The following EHMT1 variants were observed in gnomAD, a reference collection of about 807,000 sequenced individuals.
EHMT1 encodes euchromatic histone lysine methyltransferase 1.
EHMT1 carries 15 observed loss-of-function variants against 147.2 expected under a neutral mutation model. That is an observed-to-expected ratio of 0.10 (90% confidence interval 0.07 to 0.16). The LOEUF (loss-of-function observed/expected upper bound fraction) is 0.16, where lower values mean the gene tolerates loss of function less well. EHMT1 is among the 10% of genes least tolerant of loss of function. The pLI is 1.00. For missense variants in EHMT1, 1,587 were observed against 1,772.4 expected, an observed-to-expected ratio of 0.90 and a Z score of 1.88; for synonymous variants, 795 against 709.6, an observed-to-expected ratio of 1.12 and a Z score of -1.91.
intron 1 of EHMT1, among the ~76,000 whole-genome samples, chr9:137,652,587 T>C (rs1371408130): frequency 6.6e-6 from 1 of 151,326 alleles, no homozygotes; most frequent in Non-Finnish European, 1.5e-5. Context: ...GGTTTTGCCA[T>C]GTTAGCTAGG....
Position 137,648,873 on chromosome 9 carries a change from A to G in EHMT1, c.21+29824A>G, listed in dbSNP as rs764147092. On this transcript the variant is annotated intron_variant, in intron 1 of 26. Coordinates refer to ENST00000460843, the MANE Select transcript of EHMT1 (RefSeq NM_024757.5). ...CCCTGACTTCTCTCCCTATCATGGC[A>G]TCACTGTTGGGCCCAAGCCACCACA... is the stretch of plus-strand genomic sequence containing the variant. Among the ~76,000 whole-genome samples, 60 of 152,184 alleles carry G rather than the reference A, an allele frequency of 3.9e-4. 1 individual carries two copies. The highest frequency in any genetic ancestry group is 7.6e-4 in the Non-Finnish European group (52 of 68,036).
chr9:137,638,607 A>G (rs1844256069), intron 1 of EHMT1, among the ~76,000 whole-genome samples: 2 of 152,180 alleles, frequency 1.3e-5, no homozygotes, highest in African/African-American at 4.8e-5. Context: ...ATTCCCCTAA[A>G]AAATATGTTG....
At chr9:137,706,133 G>A (rs1242423464) in intron 1 of EHMT1, among the ~76,000 whole-genome samples, 3 of 152,224 alleles carry the variant, frequency 2.0e-5, no homozygotes, top group South Asian at 4.1e-4. Context: ...GCCATGGCAG[G>A]GCAGGGCATG....
chr9:137,746,865 G>A (rs1276840870), intron 6 of EHMT1: 1 of 152,112 alleles, frequency 6.6e-6, no homozygotes, highest in Non-Finnish European at 1.5e-5. Flanking sequence ...TCTTCTAGAG[G>A]AACTGGACAC....
intron 14 of EHMT1, among the ~76,000 whole-genome samples, chr9:137,780,948 TGTGTG>T (rs1466629741): frequency 1.0e-4 from 4 of 38,382 alleles, no homozygotes; most frequent in Non-Finnish European, 3.1e-4. Context: ...ATCACTGAGA[TGTGTG>T]GTGATGACGC....
chr9:137,744,668 C>A (rs577271783), intron 6 of EHMT1, among the ~76,000 whole-genome samples: 1 of 152,356 alleles, frequency 6.6e-6, no homozygotes, highest in South Asian at 2.1e-4. Flanking sequence ...TTGCTGACAG[C>A]TTGAAGTGCT....
chr9:137,737,464 G>A (rs1488609770), intron 4 of EHMT1, among the ~76,000 whole-genome samples: 1 of 152,190 alleles, frequency 6.6e-6, no homozygotes, highest in Non-Finnish European at 1.5e-5. Context: ...ACATGCAGAA[G>A]AGTGATACTG....
intron 1 of EHMT1, among the ~76,000 whole-genome samples, chr9:137,668,159 C>T (rs541975844): frequency 1.3e-5 from 2 of 152,168 alleles, no homozygotes; most frequent in African/African-American, 4.8e-5. Flanking sequence ...ACGCACTGAT[C>T]GAGAAGACAA....
At chr9:137,701,191 A>C (rs1405644650) in intron 1 of EHMT1, among the ~76,000 whole-genome samples, 1 of 152,026 alleles carries the variant, frequency 6.6e-6, no homozygotes, top group Non-Finnish European at 1.5e-5. Context: ...TTACAGTTAA[A>C]CATGAGATTT....
chr9:137,773,598 T>C (rs939428354), intron 10 of EHMT1, among the ~76,000 whole-genome samples: 2 of 152,204 alleles, frequency 1.3e-5, no homozygotes, highest in Admixed American at 6.5e-5. Context: ...AGATACATGT[T>C]TGTGCACTTA....
At chr9:137,790,485 C>A (rs1952441604) in intron 15 of EHMT1, among the ~76,000 whole-genome samples, 2 of 152,158 alleles carry the variant, frequency 1.3e-5, no homozygotes, top group African/African-American at 4.8e-5. Flanking sequence ...GGTGAACCGG[C>A]ACCTCCCTCC....
At position 137,776,919 on chromosome 9, in the gene EHMT1, T is replaced by C; in HGVS notation, c.2018+75T>C. 7.3e-7 allele frequency: 1 copy of C among 1,373,666 alleles called. No individual in the cohort carries two copies. Among genetic ancestry groups the C allele is most frequent in the Non-Finnish European group, 1.0e-6 (1 of 984,868 alleles). The allele number at this position is 1,373,666 out of a possible 1,614,324, so 85.1% of individuals were successfully genotyped here. On this transcript the variant is annotated intron_variant, in intron 12 of 26. Transcript: ENST00000460843. This position sits in a 1 kb window ranked among gnomAD's most constrained non-coding sequence, Gnocchi z 4.4. Reference sequence around the variant, plus strand: ...GTTTCAGTTGTTAACTCAACGTTATTGCTTCCTGCTGTTTTTTCCAGAAGT... The same window carrying C: ...GTTTCAGTTGTTAACTCAACGTTATCGCTTCCTGCTGTTTTTTCCAGAAGT...
chr9:137,664,336 GGCTGGA>G (rs980064246), intron 1 of EHMT1, among the ~76,000 whole-genome samples: 2 of 150,816 alleles, frequency 1.3e-5, no homozygotes, highest in African/African-American at 4.9e-5. Context: ...CTGTCGCTCA[GGCTGGA>G]GTGCAGTGGT....
At chr9:137,672,839 C>A (rs760537254) in intron 1 of EHMT1, among the ~76,000 whole-genome samples, 2 of 152,194 alleles carry the variant, frequency 1.3e-5, no homozygotes, top group Non-Finnish European at 2.9e-5. Context: ...TATTACAGAG[C>A]AGTGTTGTGG....
At chr9:137,831,614 C>A (rs952268714) in intron 25 of EHMT1, among the ~76,000 whole-genome samples, 3 of 152,216 alleles carry the variant, frequency 2.0e-5, no homozygotes, top group Non-Finnish European at 4.4e-5. Flanking sequence ...ATTTTCATGC[C>A]TTGAAATCTT....
intron 1 of EHMT1, among the ~76,000 whole-genome samples, chr9:137,644,261 C>T (rs1844722831): frequency 6.6e-6 from 1 of 151,838 alleles, no homozygotes; most frequent in Admixed American, 6.6e-5. Flanking sequence ...TGGTTGTGTG[C>T]TGGTAAAACT....
chr9:137,778,663 CCT>C (rs1176081753), intron 13 of EHMT1, among the ~76,000 whole-genome samples: 3 of 152,244 alleles, frequency 2.0e-5, no homozygotes, highest in Admixed American at 2.0e-4. Flanking sequence ...CCAGACTGTT[CCT>C]GACCCACAGG....
chr9:137,637,920 T>C (rs1844198015), intron 1 of EHMT1, among the ~76,000 whole-genome samples: 1 of 152,106 alleles, frequency 6.6e-6, no homozygotes, highest in African/African-American at 2.4e-5. Flanking sequence ...TCTGAGAATT[T>C]GTTCATGGCA....
chr9:137,634,948 C>T (rs1430418339), intron 1 of EHMT1, among the ~76,000 whole-genome samples: 1 of 148,138 alleles, frequency 6.8e-6, no homozygotes, highest in East Asian at 2.0e-4. Context: ...TCTCGATCTC[C>T]TGACCTCGTG....
Sources: gnomAD v4.1 joint callset for allele counts (sites outside exome capture counted in the v4.1 genomes callset) on GRCh38, gnomAD v4.1.1 for gene constraint, Gnocchi (gnomAD v3.1) non-coding constraint, MANE v1.5 for transcripts, NCBI Gene and HGNC (gene_info 2026-07-23, HGNC 2026-07-21) for gene names.